Variants in UGGT1 observed in about 807,000 individuals in gnomAD.
UGGT1 encodes the protein UDP-glucose:glycoprotein glucosyltransferase 1.
Under a neutral mutation model 203.9 loss-of-function variants are expected in UGGT1, and 107 were observed. The ratio of observed to expected loss-of-function variants is 0.52; its 90% CI spans 0.45 to 0.62. The LOEUF is 0.62. Among genes scored for constraint, UGGT1 ranks in the 20% least tolerant of loss-of-function variants. The probability of loss-of-function intolerance (pLI) is 0.00; values close to 1 mark genes in which losing one functional copy is unlikely to be tolerated. For missense variants in UGGT1, 1,673 were observed against 1,867.2 expected, an observed-to-expected ratio of 0.90 and a Z score of 1.92; for synonymous variants, 628 against 653.5, an observed-to-expected ratio of 0.96 and a Z score of 0.59.
chr2:128,133,000 T>C (rs1203327405), intron 13 of UGGT1, 141 bp from the exon 14 acceptor site: 1 of 1,082,410 alleles, frequency 9.2e-7, no homozygotes, highest in Non-Finnish European at 1.3e-6. Flanking sequence ...AGCCACTCAC[T>C]GCAGCCAATC....
intron 7 of UGGT1, 68 bp downstream of exon 7, chr2:128,115,288 A>G (rs1688046964): frequency 1.5e-6 from 2 of 1,377,542 alleles, no homozygotes; most frequent in South Asian, 1.2e-5. Flanking sequence ...TTGTTTCCAT[A>G]TGAAAAATAA....
chr2:128,123,447 G>A (rs565287838), intron 11 of UGGT1, among the ~76,000 whole-genome samples: 6 of 152,294 alleles, frequency 3.9e-5, no homozygotes, highest in African/African-American at 1.4e-4. Flanking sequence ...TGGTGCTACC[G>A]TGTTGTTTAG....
intron 17 of UGGT1, chr2:128,145,517 C>T (rs1351848326): frequency 1.4e-5 from 3 of 211,196 alleles, no homozygotes; most frequent in Non-Finnish European, 2.6e-5. Context: ...CACACACACA[C>T]ACACACATAC....
At chr2:128,097,329 T>C in intron 1 of UGGT1, 100 bp from the exon 2 acceptor site, 1 of 1,373,318 alleles carries the variant, frequency 7.3e-7, no homozygotes, top group South Asian at 1.4e-5. Context: ...GAGCCGAGAT[T>C]GCACCACTGC....
intron 2 of UGGT1, among the ~76,000 whole-genome samples, chr2:128,099,144 AT>A (rs1687250866): frequency 6.6e-6 from 1 of 152,028 alleles, no homozygotes; most frequent in African/African-American, 2.4e-5. Context: ...ATATATATAT[AT>A]TTTTTTGAGA....
At chr2:128,091,568 G>T in intron 1 of UGGT1, 153 bp downstream of exon 1, 1 of 1,444,212 alleles carries the variant, frequency 6.9e-7, no homozygotes, top group South Asian at 1.5e-5. Flanking sequence ...CGAGCGCCCC[G>T]AGTTGCCCTC....
At chr2:128,147,815 T>A (rs1208989826) in intron 18 of UGGT1, among the ~76,000 whole-genome samples, 1 of 152,148 alleles carries the variant, frequency 6.6e-6, no homozygotes, top group Non-Finnish European at 1.5e-5. Flanking sequence ...TCTTTCTATG[T>A]TGCCCAGGCA....
rs895196365 is a variant in UGGT1, at chr2:128,192,714, A to G, written c.*2972A>G. 1 of 152,126 alleles carries G rather than the reference A, an allele frequency of 6.6e-6. No individual in the cohort carries two copies. The highest frequency in any genetic ancestry group is 6.5e-5 in the Admixed American group (1 of 15,270). The allele number at this position is 152,126 out of a possible 1,614,324, so 9.4% of individuals were successfully genotyped here. A position where few individuals can be genotyped will look rare whatever the true frequency, so the allele number is the denominator to read the frequency against. On this transcript the variant is annotated 3_prime_UTR_variant, in exon 41 of 41. Transcript: ENST00000259253. ...GTCCTGTGTTTGGTTTTAGAAGTTT[A>G]CTGAATGTTTCCCACATGGAGAATA...
In UGGT1 at chr2:128,133,173, T is replaced by C. The variant is rs773070861; in HGVS notation, c.1410T>C (p.Tyr470=). 1.2e-5 allele frequency: 19 copies of C among 1,614,156 alleles called. No homozygotes were observed. Among genetic ancestry groups the C allele is most frequent in the East Asian group, 2.2e-5 (1 of 44,886 alleles). ...WVNNLEVDSR[Y]NSWPSSLQEL... ...ACAACCTGGAGGTTGATAGCAGATA[T>C]AATTCGTGGCCTTCTAGTTTACAAG... is the stretch of plus-strand genomic sequence containing the variant. Residue 470 remains tyrosine, a synonymous_variant, in exon 14 of 41, where the codon TAT becomes TAC. Coordinates refer to ENST00000259253, the MANE Select transcript of UGGT1 (RefSeq NM_020120.4).
Position 128,182,185 on chromosome 2 carries a change from A to T in UGGT1, c.4139A>T (p.Tyr1380Phe). ...LRDFNLDGAP[Y>F]GYTPFCDSRR... ...GATTTCAATTTGGATGGTGCTCCTT[A>T]TGGTTACACTCCTTTCTGTGACAGC... is the stretch of plus-strand genomic sequence containing the variant. Residue 1380 changes from tyrosine (Y) to phenylalanine (F), a missense_variant, in exon 37 of 41, where the codon TAT (tyrosine) becomes TTT (phenylalanine). Physicochemically the swap from Tyr to Phe is conservative, Grantham distance 22 (BLOSUM62 3). Coordinates refer to ENST00000259253, the MANE Select transcript of UGGT1 (RefSeq NM_020120.4). The T allele has an allele frequency of 6.2e-7, 1 of 1,614,180 alleles. No individual in the cohort carries two copies. Among genetic ancestry groups the T allele is most frequent in the Non-Finnish European group, 8.5e-7 (1 of 1,180,030 alleles).
At chr2:128,157,816 A>G (rs978078202) in intron 22 of UGGT1, among the ~76,000 whole-genome samples, 2 of 152,182 alleles carry the variant, frequency 1.3e-5, no homozygotes, top group Non-Finnish European at 2.9e-5. Context: ...GCTGCCATTA[A>G]TAGTTGGGCT....
Position 128,107,988 on chromosome 2 carries a change from C to G in UGGT1, c.328C>G (p.Leu110Val), listed in dbSNP as rs779459658. The G allele has an allele frequency of 6.2e-7, 1 of 1,614,128 alleles. No individual in the cohort carries two copies. The highest frequency in any genetic ancestry group is 2.2e-5 in the East Asian group (1 of 44,880). Residue 110 changes from leucine (L) to valine (V), a missense_variant, in exon 4 of 41, where the codon CTG becomes GTG. Coordinates refer to ENST00000259253, the MANE Select transcript of UGGT1 (RefSeq NM_020120.4). ...AATATTGGAGGCTGCATTTCAGTTTCTGTCACCCCTCCAGCAGAATTTGTT... is the reference window on the plus strand; with the variant it reads ...AATATTGGAGGCTGCATTTCAGTTTGTGTCACCCCTCCAGCAGAATTTGTT... The part of the protein sequence containing the change: ...HAILEAAFQF[L>V]SPLQQNLFKF...
At chr2:128,156,606 G>A (rs1276412152) in intron 21 of UGGT1, among the ~76,000 whole-genome samples, 191 bp downstream of exon 21, 1 of 145,770 alleles carries the variant, frequency 6.9e-6, no homozygotes, top group African/African-American at 2.6e-5. Flanking sequence ...CACCCAGGCT[G>A]GAGTGCAGTA....
At chr2:128,185,884 T>TCG in intron 38 of UGGT1, among the ~76,000 whole-genome samples, 1 of 152,176 alleles carries the variant, frequency 6.6e-6, no homozygotes, top group Non-Finnish European at 1.5e-5. Context: ...AATGGAACAT[T>TCG]TTATTGTGGC....
intron 1 of UGGT1, among the ~76,000 whole-genome samples, chr2:128,092,311 TA>T (rs1483313184): frequency 1.4e-5 from 2 of 142,732 alleles, no homozygotes; most frequent in Non-Finnish European, 1.5e-5. Flanking sequence ...AAGCTTATTT[TA>T]AAAAAATTCT....
intron 11 of UGGT1, among the ~76,000 whole-genome samples, chr2:128,124,772 G>GT (rs1054546745): frequency 3.3e-4 from 50 of 151,558 alleles, no homozygotes; most frequent in South Asian, 4.2e-4. Context: ...ATTTTCAGGG[G>GT]TTTTTTTTGT....
chr2:128,119,238 G>A (rs1688262966), intron 8 of UGGT1, among the ~76,000 whole-genome samples: 1 of 152,148 alleles, frequency 6.6e-6, no homozygotes, highest in Non-Finnish European at 1.5e-5. Flanking sequence ...CTGACAGGAA[G>A]TGGGTTGGTT....
intron 26 of UGGT1, among the ~76,000 whole-genome samples, chr2:128,167,296 A>G (rs1690845270): frequency 6.6e-6 from 1 of 152,222 alleles, no homozygotes; most frequent in Non-Finnish European, 1.5e-5. Flanking sequence ...TACCTTAATT[A>G]TAAATTCTAT....
intron 15 of UGGT1, among the ~76,000 whole-genome samples, chr2:128,136,729 G>C (rs1181660968): frequency 6.6e-6 from 1 of 152,224 alleles, no homozygotes; most frequent in African/African-American, 2.4e-5. Flanking sequence ...AAATACCGAG[G>C]AGCGTGATTG....
Sources: gnomAD v4.1 joint callset for allele counts (sites outside exome capture counted in the v4.1 genomes callset) on GRCh38, gnomAD v4.1.1 for gene constraint, MANE v1.5 for transcripts, NCBI Gene and HGNC (gene_info 2026-07-23, HGNC 2026-07-21) for gene names.